The following PCDHB7 variants were observed in gnomAD, a reference collection of about 807,000 sequenced individuals.
The protein encoded by PCDHB7 is protocadherin beta-7.
For synonymous variants in PCDHB7, 542 were observed against 463.1 expected, an observed-to-expected ratio of 1.17 and a Z score of -2.19; for missense variants, 1,148 against 1,011.6, an observed-to-expected ratio of 1.13 and a Z score of -1.83.
At position 141,173,875 on chromosome 5, in the gene PCDHB7, T is replaced by G. The variant is rs535172399; in HGVS notation, c.1040T>G (p.Leu347Arg). The G allele has an allele frequency of 3.7e-6, 6 of 1,613,696 alleles. No homozygotes were observed. Among genetic ancestry groups the G allele is most frequent in the South Asian group, 2.2e-5 (2 of 91,054 alleles). Residue 347 changes from leucine to arginine, a missense_variant, in exon 1 of 1, where the codon CTG becomes CGG. Leu to Arg is a moderately radical substitution (Grantham distance 102). Coordinates refer to ENST00000231137, the MANE Select transcript of PCDHB7 (RefSeq NM_018940.4). ...GATATAAACGATAATCGACCCGAGC[T>G]GCTCCTGTCTTCACTTACTAGCCCA... is the stretch of plus-strand genomic sequence containing the variant. ...VTDINDNRPE[L>R]LLSSLTSPIA... is the part of the protein sequence containing the mutation.
chr5:141,173,713 A>G lies in PCDHB7; in HGVS notation c.878A>G (p.Gln293Arg). Residue 293 changes from glutamine (Q) to arginine (R), a missense_variant, in exon 1 of 1, where the codon CAA becomes CGA. By Grantham distance (43) the Gln-to-Arg change is conservative. Coordinates refer to ENST00000231137, the MANE Select transcript of PCDHB7 (RefSeq NM_018940.4). ...ACTGAAAGAATTCTCAAAACGTTTC[A>G]AATCAATCCAACATCTGGCAGTCTT... ...YATERILKTF[Q>R]INPTSGSLHL... 1 of 1,614,040 alleles carries G rather than the reference A, an allele frequency of 6.2e-7. No individual in the cohort carries two copies.
In PCDHB7 at chr5:141,174,927, C is replaced by T. The variant is rs1554280383; in HGVS notation, c.2092C>T (p.Leu698Phe). Residue 698 changes from leucine (L) to phenylalanine (F), a missense_variant, in exon 1 of 1, where the codon CTC (leucine) becomes TTC (phenylalanine). Transcript: ENST00000231137. ...GGTGGCGTTGGCCTCGGTGTCTTCG[C>T]TCTTCCTCCTCTCGGTGCTCCTGTT... ...LVVALASVSS[L>F]FLLSVLLFVA... The T allele has an allele frequency of 6.2e-7, 1 of 1,611,066 alleles. No individual in the cohort carries two copies. The highest frequency in any genetic ancestry group is 1.3e-5 in the African/African-American group (1 of 74,850).
rs1753283016 is a variant in PCDHB7, at chr5:141,173,834, A to G, written c.999A>G (p.Val333=). The change falls in exon 1 of 1, where the codon GTA becomes GTG. Residue 333 remains valine, a synonymous_variant. Coordinates refer to ENST00000231137, the MANE Select transcript of PCDHB7 (RefSeq NM_018940.4). ...DGGGLSGKCT[V]VVDVTDINDN... is the part of the protein sequence containing the mutation. ...GCGGGCTTTCTGGAAAATGCACTGT[A>G]GTGGTTGATGTAACAGATATAAACG... 6.2e-7 allele frequency: 1 copy of G among 1,614,072 alleles called. No individual in the cohort carries two copies. Among genetic ancestry groups the G allele is most frequent in the African/African-American group, 1.3e-5 (1 of 74,924 alleles).
At position 141,174,966 on chromosome 5, in the gene PCDHB7, C is replaced by A. The variant is rs1245802911; in HGVS notation, c.2131C>A (p.Leu711Met). The change falls in exon 1 of 1, where the codon CTG (leucine) becomes ATG (methionine). Residue 711 changes from leucine to methionine, a missense_variant. Physicochemically the swap from Leu to Met is conservative, Grantham distance 15 (BLOSUM62 2). Transcript: ENST00000231137. ...LSVLLFVAVR[L>M]CRRSRAAPVG... ...GGTGCTCCTGTTCGTGGCGGTGCGG[C>A]TGTGCAGGAGGAGCAGGGCGGCCCC... 1.2e-6 allele frequency: 2 copies of A among 1,611,232 alleles called. No individual in the cohort carries two copies. Among genetic ancestry groups the A allele is most frequent in the South Asian group, 2.2e-5 (2 of 90,986 alleles).
In PCDHB7 at chr5:141,173,586, G is replaced by A; in HGVS notation, c.751G>A (p.Val251Met). The change falls in exon 1 of 1, where the codon GTG becomes ATG. Residue 251 changes from valine to methionine, a missense_variant. Physicochemically the swap from Val to Met is conservative, Grantham distance 21. Transcript: ENST00000231137. ...TGTGCGGTCGCTCTACAAGGTGCAG[G>A]TGCCCGAAAATAGCCCCGTTGGTTC... is the stretch of plus-strand genomic sequence containing the variant. ...DFVRSLYKVQ[V>M]PENSPVGSMV... 4.3e-6 allele frequency: 7 copies of A among 1,614,104 alleles called. No homozygotes were observed. The highest frequency in any genetic ancestry group is 5.9e-6 in the Non-Finnish European group (7 of 1,180,024).
At position 141,172,792 on chromosome 5, in the gene PCDHB7, G is replaced by T. The variant is rs1296266888; in HGVS notation, c.-44G>T. On this transcript the variant is annotated 5_prime_UTR_variant, in exon 1 of 1. Transcript: ENST00000231137. ...GCTGCTGCCATTTGTGAGAGCCGCT[G>T]GAGGCTGAGTGAAAGTCATTTTGAA... 1.3e-6 allele frequency: 2 copies of T among 1,515,574 alleles called. No individual in the cohort carries two copies. The highest frequency in any genetic ancestry group is 2.8e-5 in the African/African-American group (2 of 72,590). The allele number at this position is 1,515,574 out of a possible 1,614,324, so 93.9% of individuals were successfully genotyped here. A position where few individuals can be genotyped will look rare whatever the true frequency, so the allele number is the denominator to read the frequency against.
Position 141,175,273 on chromosome 5 carries a change from T to A in PCDHB7, c.*56T>A, listed in dbSNP as rs558516993. On this transcript the variant is annotated 3_prime_UTR_variant, in exon 1 of 1. Transcript: ENST00000231137. ...AATACGTTTCTGATTAGGAACTTAT[T>A]GCGAGGTTCCCTTAAGGGAGTGTCT... 2.7e-6 allele frequency: 4 copies of A among 1,502,592 alleles called. No homozygotes were observed. The South Asian group carries it at 5.2e-5, about 19-fold the overall frequency. The allele number at this position is 1,502,592 out of a possible 1,614,324, so 93.1% of individuals were successfully genotyped here. A position where few individuals can be genotyped will look rare whatever the true frequency, so the allele number is the denominator to read the frequency against.
In PCDHB7 at chr5:141,174,202, A is replaced by G; in HGVS notation, c.1367A>G (p.Tyr456Cys). The stretch of plus-strand genomic sequence containing the variant: ...GCTCCCGCCTTCACCCAAACCTCCT[A>G]CACCCTGTTTGTCCGTGAGAACAAC... ...DNAPAFTQTSYTLFVRENNSP... is the reference protein window; with the variant it reads ...DNAPAFTQTSCTLFVRENNSP... The change falls in exon 1 of 1, where the codon TAC becomes TGC. Residue 456 changes from tyrosine (Y) to cysteine (C), a missense_variant. Coordinates refer to ENST00000231137, the MANE Select transcript of PCDHB7 (RefSeq NM_018940.4). 6.2e-7 allele frequency: 1 copy of G among 1,613,344 alleles called. No homozygotes were observed. Among genetic ancestry groups the G allele is most frequent in the Admixed American group, 1.7e-5 (1 of 60,014 alleles).
At position 141,174,873 on chromosome 5, in the gene PCDHB7, C is replaced by T. The variant is rs143161042; in HGVS notation, c.2038C>T (p.Gln680Ter). 6.5e-5 allele frequency: 104 copies of T among 1,611,092 alleles called. No homozygotes were observed. In the African/African-American group the frequency reaches 1.2e-3, roughly 18 times the overall value. The change falls in exon 1 of 1, where the codon CAG becomes TAG. Residue 680 changes from glutamine (Q) to a stop codon, truncating the protein, a stop_gained. Transcript: ENST00000231137. LOFTEE classifies it low-confidence loss of function (END_TRUNC). Reference sequence around the variant, plus strand: ...GCGGCTCCCGGAGGCGGCCCCGGACCAGGCCAACTCGCTCACCGTCTACCT... The same window carrying T: ...GCGGCTCCCGGAGGCGGCCCCGGACTAGGCCAACTCGCTCACCGTCTACCT... Reference protein sequence around the residue: ...YLRLPEAAPDQANSLTVYLVV... With the variant: ...YLRLPEAAPD
chr5:141,172,926 C>G lies in PCDHB7; in HGVS notation c.91C>G (p.Leu31Val). ...LGMSWAGAEPLRYFVAEETER... is the reference protein window; with the variant it reads ...LGMSWAGAEPVRYFVAEETER... The stretch of plus-strand genomic sequence containing the variant: ...AATGTCTTGGGCTGGCGCCGAACCG[C>G]TTCGGTATTTTGTGGCGGAGGAAAC... Residue 31 changes from leucine to valine, a missense_variant, in exon 1 of 1, where the codon CTT becomes GTT. Coordinates refer to ENST00000231137, the MANE Select transcript of PCDHB7 (RefSeq NM_018940.4). The G allele has an allele frequency of 6.2e-7, 1 of 1,614,196 alleles. No homozygotes were observed. Among genetic ancestry groups the G allele is most frequent in the South Asian group, 1.1e-5 (1 of 91,088 alleles).
chr5:141,174,922 C>T lies in PCDHB7; in HGVS notation c.2087C>T (p.Ser696Phe), dbSNP rs782219472. The stretch of plus-strand genomic sequence containing the variant: ...CTGGTGGTGGCGTTGGCCTCGGTGT[C>T]TTCGCTCTTCCTCCTCTCGGTGCTC... ...VYLVVALASVSSLFLLSVLLF... is the reference protein window; with the variant it reads ...VYLVVALASVFSLFLLSVLLF... The change falls in exon 1 of 1, where the codon TCT (serine) becomes TTT (phenylalanine). Residue 696 changes from serine to phenylalanine, a missense_variant. Transcript: ENST00000231137. The T allele has an allele frequency of 2.5e-6, 4 of 1,611,046 alleles. No homozygotes were observed. In the South Asian group the frequency reaches 3.3e-5, roughly 13 times the overall value.
Position 141,175,309 on chromosome 5 carries a change from T to C in PCDHB7, c.*92T>C. The C allele has an allele frequency of 1.6e-6, 2 of 1,256,864 alleles. No individual in the cohort carries two copies. The highest frequency in any genetic ancestry group is 2.2e-6 in the Non-Finnish European group (2 of 912,468). The allele number at this position is 1,256,864 out of a possible 1,614,324, so 77.9% of individuals were successfully genotyped here. On this transcript the variant is annotated 3_prime_UTR_variant, in exon 1 of 1. Transcript: ENST00000231137. ...CTTAAGGGAGTGTCTTTACATCATT[T>C]CAAATATGTACTCTTGAAGTCAAGC...
chr5:141,173,987 C>T lies in PCDHB7; in HGVS notation c.1152C>T (p.Ser384=). The T allele has an allele frequency of 6.2e-7, 1 of 1,614,156 alleles. No homozygotes were observed. Among genetic ancestry groups the T allele is most frequent in the Non-Finnish European group, 8.5e-7 (1 of 1,180,020 alleles). ...DSGNNGKTVC[S]IQDDVPFILK... ...GGAACAATGGAAAGACAGTGTGCTC[C>T]ATCCAGGACGATGTCCCCTTCATCC... Residue 384 remains serine (S), a synonymous_variant, in exon 1 of 1, where the codon TCC becomes TCT. Transcript: ENST00000231137.
In PCDHB7 at chr5:141,173,437, AT is replaced by A; in HGVS notation, c.603del (p.Arg202GlyfsTer9). The A allele has an allele frequency of 6.2e-7, 1 of 1,614,156 alleles. No homozygotes were observed. Among genetic ancestry groups the A allele is most frequent in the East Asian group, 2.2e-5 (1 of 44,872 alleles). On this transcript the variant is annotated frameshift_variant, in exon 1 of 1. Transcript: ENST00000231137. LOFTEE classifies it low-confidence loss of function (END_TRUNC). ...GAATTGGTGCTGAATCAAGTGCTGGATCGGGAAGAGATACCAGAGTTCAGTT... is the reference window on the plus strand; with the variant it reads ...GAATTGGTGCTGAATCAAGTGCTGGACGGGAAGAGATACCAGAGTTCAGTT... ...YPELVLNQVL[D>X]REEIPEFSLT...
rs1554280131 is a variant in PCDHB7, at chr5:141,174,033, T to G, written c.1198T>G (p.Phe400Val). Residue 400 changes from phenylalanine (F) to valine (V), a missense_variant, in exon 1 of 1, where the codon TTC (phenylalanine) becomes GTC (valine). Coordinates refer to ENST00000231137, the MANE Select transcript of PCDHB7 (RefSeq NM_018940.4). ...CATCCTGAAGCCATCTGTCGAAAAC[T>G]TCTATACTCTGGTAACAGAGAAACC... ...PFILKPSVENFYTLVTEKPLD... is the reference protein window; with the variant it reads ...PFILKPSVENVYTLVTEKPLD... 6.2e-7 allele frequency: 1 copy of G among 1,614,158 alleles called. No homozygotes were observed. Among genetic ancestry groups the G allele is most frequent in the South Asian group, 1.1e-5 (1 of 91,080 alleles).
Position 141,173,278 on chromosome 5 carries a change from C to T in PCDHB7, c.443C>T (p.Pro148Leu), listed in dbSNP as rs1753260352. 6.2e-7 allele frequency: 1 copy of T among 1,613,940 alleles called. No individual in the cohort carries two copies. The highest frequency in any genetic ancestry group is 1.7e-5 in the Admixed American group (1 of 60,000). Residue 148 changes from proline to leucine, a missense_variant, in exon 1 of 1, where the codon CCA becomes CTA. Transcript: ENST00000231137. ...ISLKILESTTPGAAFLLESAQ... is the reference protein window; with the variant it reads ...ISLKILESTTLGAAFLLESAQ... ...TTGAAAATATTAGAAAGTACCACTC[C>T]AGGGGCGGCATTTCTCCTAGAGAGT... is the stretch of plus-strand genomic sequence containing the variant.
In PCDHB7 at chr5:141,174,471, C is replaced by T; in HGVS notation, c.1636C>T (p.Leu546=). ...CTCCCCCGCGCTGAGCAGCGAGGCG[C>T]TGGTGCGCGTGCTGGTGCTGGACGC... ...RGSPALSSEA[L]VRVLVLDAND... Residue 546 remains leucine (L), a synonymous_variant, in exon 1 of 1, where the codon CTG becomes TTG. Transcript: ENST00000231137. The T allele has an allele frequency of 1.2e-6, 2 of 1,611,326 alleles. No individual in the cohort carries two copies. Among genetic ancestry groups the T allele is most frequent in the South Asian group, 1.1e-5 (1 of 90,956 alleles).
rs1753358295 is a variant in PCDHB7 at position 141,175,435 on chromosome 5, C to A, written c.*218C>A. 1 of 616,566 alleles carries A rather than the reference C, an allele frequency of 1.6e-6. No individual in the cohort carries two copies. The highest frequency in any genetic ancestry group is 2.7e-6 in the Non-Finnish European group (1 of 368,240). 38.2% of individuals were successfully genotyped at this position (616,566 alleles called of 1,614,324 possible). A position where few individuals can be genotyped will look rare whatever the true frequency, so the allele number is the denominator to read the frequency against. On this transcript the variant is annotated 3_prime_UTR_variant, in exon 1 of 1. Transcript: ENST00000231137. ...TAATGTTTTATGTCAAACAATTATG[C>A]TTAATATACAGTCTATTAAATGTAA...
rs1289597649 is a variant in PCDHB7 at position 141,175,803 on chromosome 5, C to T, written c.*586C>T. ...CTGGGTCAGTGACCCTGCTCCGATT[C>T]CATACTGTTTTCTGTCATTAGATAT... On this transcript the variant is annotated 3_prime_UTR_variant, in exon 1 of 1. Transcript: ENST00000231137. 1 of 168,184 alleles carries T rather than the reference C, an allele frequency of 5.9e-6. No homozygotes were observed. The highest frequency in any genetic ancestry group is 2.4e-5 in the African/African-American group (1 of 41,460). 10.4% of individuals were successfully genotyped at this position (168,184 alleles called of 1,614,324 possible).
Sources: allele counts gnomAD v4.1 joint callset, GRCh38; gene constraint gnomAD v4.1.1; transcripts MANE v1.5; gene names NCBI Gene and HGNC (gene_info 2026-07-23, HGNC 2026-07-21).